The following ST6GALNAC3 variants were observed in gnomAD, a reference collection of about 807,000 sequenced individuals.
ST6GALNAC3 encodes the protein alpha-N-acetylgalactosaminide alpha-2,6-sialyltransferase 3.
A neutral mutation model predicts 32.7 loss-of-function variants in ST6GALNAC3; 25 were observed. The ratio of observed to expected loss-of-function variants is 0.76; its 90% CI spans 0.56 to 1.07. The LOEUF (loss-of-function observed/expected upper bound fraction) is 1.07, where lower values mean the gene tolerates loss of function less well. Among genes scored for constraint, ST6GALNAC3 ranks in the 50% least tolerant of loss-of-function variants. ST6GALNAC3 has a pLI of 0.00. For synonymous variants in ST6GALNAC3, 129 were observed against 133.1 expected, an observed-to-expected ratio of 0.97 and a Z score of 0.21; for missense variants, 355 against 382.4, an observed-to-expected ratio of 0.93 and a Z score of 0.60.
At chr1:76,227,821 T>C (rs1480198295) in intron 1 of ST6GALNAC3, among the ~76,000 whole-genome samples, 1 of 152,204 alleles carries the variant, frequency 6.6e-6, no homozygotes, top group Non-Finnish European at 1.5e-5. Flanking sequence ...TTTGCTCTCA[T>C]GTGACCATAT....
At chr1:76,512,524 A>G (rs537994228) in intron 3 of ST6GALNAC3, among the ~76,000 whole-genome samples, 2 of 152,316 alleles carry the variant, frequency 1.3e-5, no homozygotes, top group African/African-American at 4.8e-5. Context: ...ATGTTGTATA[A>G]TGATCAAATC....
chr1:76,327,628 C>T (rs1340570608), intron 2 of ST6GALNAC3, among the ~76,000 whole-genome samples: 4 of 152,176 alleles, frequency 2.6e-5, no homozygotes, highest in African/African-American at 4.8e-5. Context: ...CTCACTGTGT[C>T]GCCCGGGCGG....
chr1:76,164,180 G>C lies in ST6GALNAC3; in HGVS notation c.18+89296G>C, dbSNP rs1238231975. The stretch of plus-strand genomic sequence containing the variant: ...GATACTGAGCCCCAGAATTACCTGT[G>C]CATTTAGGGATATGCTGATAGGCTG... On this transcript the variant is annotated intron_variant, in intron 1 of 4. Coordinates refer to ENST00000328299, the MANE Select transcript of ST6GALNAC3 (RefSeq NM_152996.4). Among the ~76,000 whole-genome samples the C allele has an allele frequency of 3.3e-5, 5 of 152,186 alleles. No individual in the cohort carries two copies. In the East Asian group the frequency reaches 7.7e-4, roughly 23 times the overall value.
chr1:76,533,958 ATTG>A (rs1404681047), intron 3 of ST6GALNAC3, among the ~76,000 whole-genome samples: 7 of 152,140 alleles, frequency 4.6e-5, no homozygotes, highest in East Asian at 1.9e-4. Flanking sequence ...TCAAAAAATT[ATTG>A]TCATACGTAT....
intron 1 of ST6GALNAC3, among the ~76,000 whole-genome samples, chr1:76,124,323 C>T (rs1198103474): frequency 6.6e-6 from 1 of 152,130 alleles, no homozygotes; most frequent in African/African-American, 2.4e-5. Context: ...AAATCATGCG[C>T]ATTCTTTCAA....
At chr1:76,582,199 G>C (rs1333870061) in intron 3 of ST6GALNAC3, among the ~76,000 whole-genome samples, 1 of 152,132 alleles carries the variant, frequency 6.6e-6, no homozygotes, top group Non-Finnish European at 1.5e-5. Context: ...AGACAATTAG[G>C]ATATTAGATT....
chr1:76,610,089 T>C (rs184187176), intron 3 of ST6GALNAC3, among the ~76,000 whole-genome samples: 12 of 152,322 alleles, frequency 7.9e-5, no homozygotes, highest in Admixed American at 7.2e-4. Context: ...GTGATATGTA[T>C]TGGGAAATGA....
At chr1:76,465,757 C>A (rs565648942) in intron 3 of ST6GALNAC3, among the ~76,000 whole-genome samples, 1 of 151,834 alleles carries the variant, frequency 6.6e-6, no homozygotes, top group South Asian at 2.1e-4. Context: ...TTGGTGAGGG[C>A]TGATTTTTTT....
rs147656697 is a variant in ST6GALNAC3, at chr1:76,193,388, T to C, written c.18+118504T>C. On this transcript the variant is annotated intron_variant, in intron 1 of 4. Coordinates refer to ENST00000328299, the MANE Select transcript of ST6GALNAC3 (RefSeq NM_152996.4). ...TTGTGGAATGGCTAAATTGAGCTAA[T>C]TACCATAAGTACCAACTCACATTAA... Among the ~76,000 whole-genome samples the C allele has an allele frequency of 4.3e-3, 649 of 152,306 alleles. 5 individuals carry two copies. The highest frequency in any genetic ancestry group is 0.015 in the African/African-American group (607 of 41,566).
intron 3 of ST6GALNAC3, among the ~76,000 whole-genome samples, chr1:76,441,078 A>C (rs1474792132): frequency 7.8e-6 from 1 of 128,552 alleles, no homozygotes; most frequent in Non-Finnish European, 1.6e-5. Flanking sequence ...ACAGAGTGAG[A>C]CTATGTCTCC....
At chr1:76,199,728 C>A (rs66534155) in intron 1 of ST6GALNAC3, among the ~76,000 whole-genome samples, 12,777 of 152,226 alleles carry the variant, frequency 0.084, 593 homozygotes, top group African/African-American at 0.12. Flanking sequence ...GCTTGGATTT[C>A]ATGCTTAAAA....
At chr1:76,341,346 T>C (rs910773788) in intron 2 of ST6GALNAC3, among the ~76,000 whole-genome samples, 1 of 152,092 alleles carries the variant, frequency 6.6e-6, no homozygotes, top group African/African-American at 2.4e-5. Flanking sequence ...CTTAGGATAA[T>C]GGCCTCTAGC....
intron 2 of ST6GALNAC3, among the ~76,000 whole-genome samples, chr1:76,363,027 G>T (rs1483255889): frequency 6.6e-6 from 1 of 152,200 alleles, no homozygotes; most frequent in Non-Finnish European, 1.5e-5. Context: ...CCTGGTAAAG[G>T]TTCTCCATGA....
Position 76,089,241 on chromosome 1 carries a change from C to T in ST6GALNAC3, c.18+14357C>T, listed in dbSNP as rs146252968. 5.5e-3 allele frequency among the ~76,000 whole-genome samples: 833 copies of T among 152,036 alleles called. 12 individuals carry two copies. Among genetic ancestry groups the T allele is most frequent in the African/African-American group, 0.019 (798 of 41,460 alleles). ...TTATTTATTTATTTTTTAGAAGAGA[C>T]GGGGTTTCACTGTGTTAGCCAGGAT... is the stretch of plus-strand genomic sequence containing the variant. On this transcript the variant is annotated intron_variant, in intron 1 of 4. Transcript: ENST00000328299.
At chr1:76,214,591 T>C (rs2100584298) in intron 1 of ST6GALNAC3, among the ~76,000 whole-genome samples, 1 of 152,302 alleles carries the variant, frequency 6.6e-6, no homozygotes, top group Non-Finnish European at 1.5e-5. Context: ...TTTACTTCAG[T>C]GACTGGAATA....
chr1:76,530,571 A>G (rs1037455299), intron 3 of ST6GALNAC3, among the ~76,000 whole-genome samples: 3 of 152,182 alleles, frequency 2.0e-5, no homozygotes, highest in Non-Finnish European at 4.4e-5. Flanking sequence ...GATCCTAGCA[A>G]TTGAGACCTT....
At chr1:76,105,712 C>T (rs1647478404) in intron 1 of ST6GALNAC3, among the ~76,000 whole-genome samples, 1 of 152,102 alleles carries the variant, frequency 6.6e-6, no homozygotes, top group Admixed American at 6.5e-5. Context: ...TTTTATTGGC[C>T]ATTACTATTT....
chr1:76,514,413 T>C lies in ST6GALNAC3; in HGVS notation c.623+101996T>C, dbSNP rs1046351789. On this transcript the variant is annotated intron_variant, in intron 3 of 4. Coordinates refer to ENST00000328299, the MANE Select transcript of ST6GALNAC3 (RefSeq NM_152996.4). The stretch of plus-strand genomic sequence containing the variant: ...GTCCCTACCAAAGGTCATGTTGAAA[T>C]TGGATCCCCAGTGTGGCAGCACTGG... Among the ~76,000 whole-genome samples, 4 of 152,128 alleles carry C rather than the reference T, an allele frequency of 2.6e-5. No homozygotes were observed. In the South Asian group the frequency reaches 6.2e-4, roughly 24 times the overall value.
At chr1:76,468,859 G>A (rs996587213) in intron 3 of ST6GALNAC3, among the ~76,000 whole-genome samples, 2 of 152,004 alleles carry the variant, frequency 1.3e-5, no homozygotes, top group African/African-American at 4.8e-5. Context: ...TTATGAAGTA[G>A]AGGAAAGAAG....
Sources: gnomAD v4.1 joint callset for allele counts (sites outside exome capture counted in the v4.1 genomes callset) on GRCh38, gnomAD v4.1.1 for gene constraint, MANE v1.5 for transcripts, NCBI Gene and HGNC (gene_info 2026-07-23, HGNC 2026-07-21) for gene names.